Variants in STXBP5L observed in about 807,000 individuals in gnomAD.
The protein encoded by STXBP5L is syntaxin binding protein 5L, also known as syntaxin-binding protein 5-like.
STXBP5L carries 65 observed loss-of-function variants against 144.5 expected under a neutral mutation model. The ratio of observed to expected loss-of-function variants is 0.45; its 90% confidence interval spans 0.37 to 0.55. The LOEUF (loss-of-function observed/expected upper bound fraction) is 0.55. Ranked by LOEUF, STXBP5L falls within the 20% of genes least tolerant of loss-of-function variation. The pLI is 0.00. For missense variants in STXBP5L, 1,298 were observed against 1,405.5 expected, an observed-to-expected ratio of 0.92 and a Z score of 1.22; for synonymous variants, 505 against 469.6, an observed-to-expected ratio of 1.08 and a Z score of -0.97.
rs192279395 is a variant in STXBP5L at position 121,172,836 on chromosome 3, A to G, written c.877+15209A>G. ...TCAGCTATCCCATTACTGGGTGTATACCCAAAGGATTTTAAATCATTCTAC... is the reference window on the plus strand; with the variant it reads ...TCAGCTATCCCATTACTGGGTGTATGCCCAAAGGATTTTAAATCATTCTAC... On this transcript the variant is annotated intron_variant, in intron 9 of 26. Coordinates refer to ENST00000471454, the MANE Select transcript of STXBP5L (RefSeq NM_001308330.2). Among the ~76,000 whole-genome samples, 392 of 152,336 alleles carry G rather than the reference A, an allele frequency of 2.6e-3. 2 individuals carry two copies. The highest frequency in any genetic ancestry group is 0.026 in the South Asian group (124 of 4,824).
intron 9 of STXBP5L, among the ~76,000 whole-genome samples, chr3:121,201,218 T>A (rs1309946984): frequency 6.6e-6 from 1 of 152,222 alleles, no homozygotes; most frequent in South Asian, 2.1e-4. Context: ...AGCATATATG[T>A]TTAGGATAGT....
chr3:120,925,930 G>A (rs1033288398), intron 2 of STXBP5L, among the ~76,000 whole-genome samples: 1 of 152,184 alleles, frequency 6.6e-6, no homozygotes, highest in Non-Finnish European at 1.5e-5. Context: ...AAATGAAGAA[G>A]AGTGGGAAAA....
At chr3:121,029,983 A>G (rs548418910) in intron 3 of STXBP5L, among the ~76,000 whole-genome samples, 4 of 152,312 alleles carry the variant, frequency 2.6e-5, no homozygotes, top group East Asian at 1.9e-4. Context: ...ATGAGATACC[A>G]TCTCATGCCA....
intron 10 of STXBP5L, among the ~76,000 whole-genome samples, chr3:121,206,317 C>T (rs2048333683): frequency 6.6e-6 from 1 of 152,044 alleles, no homozygotes; most frequent in Non-Finnish European, 1.5e-5. Context: ...AAGCAATGTG[C>T]CCGTTAATAT....
At chr3:121,013,950 G>T (rs1014402234) in intron 3 of STXBP5L, among the ~76,000 whole-genome samples, 1 of 151,750 alleles carries the variant, frequency 6.6e-6, no homozygotes, top group Non-Finnish European at 1.5e-5. Flanking sequence ...ATGGTTGTAG[G>T]TATACAGCAT....
intron 2 of STXBP5L, among the ~76,000 whole-genome samples, chr3:120,914,143 C>T (rs569837063): frequency 1.3e-5 from 2 of 152,020 alleles, no homozygotes; most frequent in South Asian, 4.2e-4. Flanking sequence ...TTTAAATGAT[C>T]TTTTTGGGGG....
At chr3:121,066,368 AT>A (rs1414499220) in intron 5 of STXBP5L, among the ~76,000 whole-genome samples, 3 of 150,000 alleles carry the variant, frequency 2.0e-5, no homozygotes, top group African/African-American at 7.4e-5. Flanking sequence ...AAGCGTATAT[AT>A]ATATATATAT....
At chr3:121,181,549 C>T (rs948409185) in intron 9 of STXBP5L, among the ~76,000 whole-genome samples, 1 of 152,200 alleles carries the variant, frequency 6.6e-6, no homozygotes. Context: ...ACCTGGCCAA[C>T]ATGGTGAAAC....
intron 3 of STXBP5L, among the ~76,000 whole-genome samples, chr3:121,023,666 G>C (rs188134308): frequency 4.5e-4 from 69 of 152,276 alleles, no homozygotes; most frequent in African/African-American, 1.6e-3. Context: ...TGGGATAATT[G>C]GCAAGCCAGG....
intron 9 of STXBP5L, among the ~76,000 whole-genome samples, chr3:121,185,702 C>G (rs1200397586): frequency 6.6e-6 from 1 of 152,144 alleles, no homozygotes; most frequent in African/African-American, 2.4e-5. Context: ...TTACTATAGC[C>G]TTGTAGCATA....
intron 7 of STXBP5L, among the ~76,000 whole-genome samples, chr3:121,141,867 G>C (rs2045521911): frequency 6.6e-6 from 1 of 151,906 alleles, no homozygotes; most frequent in Admixed American, 6.6e-5. Flanking sequence ...AAGACAAACA[G>C]AAAACAACTA....
Position 121,381,233 on chromosome 3 carries a change from T to A in STXBP5L, c.2348-60T>A, listed in dbSNP as rs2046314496. On this transcript the variant is annotated intron_variant, in intron 21 of 26. Coordinates refer to ENST00000471454, the MANE Select transcript of STXBP5L (RefSeq NM_001308330.2). ...AATTTTGATTTATATATATTAAATC[T>A]GATGTTATTGTGGAAATATACTAAC... The A allele has an allele frequency of 2.0e-6, 3 of 1,471,442 alleles. No homozygotes were observed. In the South Asian group the frequency reaches 3.8e-5, roughly 18 times the overall value. 91.1% of individuals were successfully genotyped at this position (1,471,442 alleles called of 1,614,324 possible). A position where few individuals can be genotyped will look rare whatever the true frequency, so the allele number is the denominator to read the frequency against.
chr3:121,051,172 TCAA>T (rs1455025960), intron 5 of STXBP5L, among the ~76,000 whole-genome samples: 2 of 152,092 alleles, frequency 1.3e-5, no homozygotes, highest in Non-Finnish European at 2.9e-5. Context: ...ATTAGACAGA[TCAA>T]CGAGACAGAA....
At chr3:121,222,913 C>T (rs1237662019) in intron 10 of STXBP5L, 90 bp from the exon 11 acceptor site, 43 of 1,419,694 alleles carry the variant, frequency 3.0e-5, no homozygotes, top group Non-Finnish European at 3.1e-5. Flanking sequence ...ATATGGTATG[C>T]AACAAAACCT....
At chr3:121,112,815 A>G (rs529061759) in intron 5 of STXBP5L, among the ~76,000 whole-genome samples, 2 of 152,318 alleles carry the variant, frequency 1.3e-5, no homozygotes, top group African/African-American at 4.8e-5. Flanking sequence ...AATAAGTTAC[A>G]AATGAAAGTG....
intron 20 of STXBP5L, among the ~76,000 whole-genome samples, chr3:121,339,156 T>A (rs889604525): frequency 6.6e-6 from 1 of 152,070 alleles, no homozygotes; most frequent in Non-Finnish European, 1.5e-5. Flanking sequence ...TTAACATAGA[T>A]GCAGAAATCT....
chr3:121,373,402 G>T (rs1426016073), intron 20 of STXBP5L, among the ~76,000 whole-genome samples: 1 of 152,202 alleles, frequency 6.6e-6, no homozygotes, highest in East Asian at 1.9e-4. Flanking sequence ...GTTTCAGGGA[G>T]GGAATTCGTG....
At chr3:121,032,382 G>A (rs997414256) in intron 3 of STXBP5L, among the ~76,000 whole-genome samples, 5 of 152,024 alleles carry the variant, frequency 3.3e-5, no homozygotes, top group Admixed American at 1.3e-4. Context: ...ACTGAAAAGT[G>A]ATCATTGAAT....
intron 19 of STXBP5L, among the ~76,000 whole-genome samples, chr3:121,299,558 CA>C (rs908146904): frequency 7.2e-5 from 11 of 152,042 alleles, no homozygotes; most frequent in African/African-American, 2.7e-4. Flanking sequence ...ATGATCCAAA[CA>C]GAAGCACAGA....
Sources: allele counts gnomAD v4.1 joint callset (sites outside exome capture counted in the v4.1 genomes callset), GRCh38; gene constraint gnomAD v4.1.1; transcripts MANE v1.5; gene names NCBI Gene and HGNC (gene_info 2026-07-23, HGNC 2026-07-21).